The following GGNBP2 variants were observed in gnomAD, a reference collection of about 807,000 sequenced individuals.
GGNBP2 encodes the protein gametogenetin binding protein 2.
Under a neutral mutation model 85.9 loss-of-function variants are expected in GGNBP2, and 10 were observed. That is an observed-to-expected ratio of 0.12 (90% CI 0.07 to 0.20). GGNBP2 has a LOEUF of 0.20. Ranked by LOEUF, GGNBP2 falls within the 10% of genes least tolerant of loss-of-function variation. The probability of loss-of-function intolerance (pLI) is 1.00; values close to 1 mark genes in which losing one functional copy is unlikely to be tolerated. For missense variants in GGNBP2, 595 were observed against 857.8 expected (o/e 0.69, Z 3.83); for synonymous variants, 287 against 285.7 (o/e 1.00, Z -0.05).
At chr17:36,577,445 C>T (rs1452237202) in intron 6 of GGNBP2, 3 of 153,062 alleles carry the variant, frequency 2.0e-5, no homozygotes, top group African/African-American at 4.8e-5. Context: ...AAAATGCACA[C>T]ACCACTTTCC....
At chr17:36,574,786 T>C in intron 6 of GGNBP2, 1 of 649,900 alleles carries the variant, frequency 1.5e-6, no homozygotes, top group Non-Finnish European at 2.8e-6. Flanking sequence ...CGTGGTGGCC[T>C]GTCGGCTTGC....
At chr17:36,559,363 GAGGAGA>G (rs2074395305) in intron 4 of GGNBP2, among the ~76,000 whole-genome samples, 2 of 150,764 alleles carry the variant, frequency 1.3e-5, no homozygotes, top group Admixed American at 1.3e-4. Flanking sequence ...GGACGAGACT[GAGGAGA>G]AATGTAACAG....
At chr17:36,576,591 A>ATG (rs1247489604) in intron 6 of GGNBP2, 31 of 49,182 alleles carry the variant, frequency 6.3e-4, no homozygotes, top group South Asian at 2.3e-3. Context: ...AAAAATATAT[A>ATG]TATATGTGTG....
At chr17:36,586,783 T>A (rs376976541) in intron 12 of GGNBP2, 105 of 474,716 alleles carry the variant, frequency 2.2e-4, no homozygotes, top group African/African-American at 1.9e-3. Flanking sequence ...CATGGCTGGC[T>A]AATTTTTGCA....
rs913808849 is a variant in GGNBP2 at position 36,568,480 on chromosome 17, A to G, written c.641+704A>G. On this transcript the variant is annotated intron_variant, in intron 6 of 13. Transcript: ENST00000613102. Reference sequence around the variant, plus strand: ...CCCGGCTAATTTTTGTATTTTTAGTAGAGACGGGGCTTCGCCATGTTGTTC... The same window carrying G: ...CCCGGCTAATTTTTGTATTTTTAGTGGAGACGGGGCTTCGCCATGTTGTTC... Among the ~76,000 whole-genome samples, 4 of 152,014 alleles carry G rather than the reference A, an allele frequency of 2.6e-5. No homozygotes were observed. The East Asian group carries it at 7.8e-4, about 29-fold the overall frequency.
intron 5 of GGNBP2, among the ~76,000 whole-genome samples, chr17:36,562,566 T>C (rs1369297971): frequency 1.3e-5 from 2 of 151,896 alleles, no homozygotes; most frequent in South Asian, 2.1e-4. Flanking sequence ...ACACCATTAT[T>C]GTATAGACAT....
In GGNBP2 at chr17:36,567,268, A is replaced by C. The variant is rs73278828; in HGVS notation, c.528-395A>C. 6.5e-3 allele frequency among the ~76,000 whole-genome samples: 989 copies of C among 152,334 alleles called. 16 individuals are homozygous for C. The highest frequency in any genetic ancestry group is 0.023 in the African/African-American group (962 of 41,580). On this transcript the variant is annotated intron_variant, in intron 5 of 13. Transcript: ENST00000613102. ...TAGTCAAGCAGAAGTTTTTATATAA[A>C]GATATGAGCACACATTTAAATGAAC...
intron 6 of GGNBP2, chr17:36,576,553 C>CAAAAAAAAAA (rs57856781): frequency 7.9e-5 from 2 of 25,462 alleles, no homozygotes; most frequent in Non-Finnish European, 1.1e-4. Context: ...GACTCTGTCT[C>CAAAAAAAAAA]AAAAAAAAAA....
In GGNBP2 at chr17:36,575,138, C is replaced by T. The variant is rs941223957; in HGVS notation, c.642-2845C>T. 9.9e-6 allele frequency: 7 copies of T among 708,716 alleles called. No homozygotes were observed. The African/African-American group carries it at 1.0e-4, about 10-fold the overall frequency. The allele number at this position is 708,716 out of a possible 1,614,324, so 43.9% of individuals were successfully genotyped here. A position where few individuals can be genotyped will look rare whatever the true frequency, so the allele number is the denominator to read the frequency against. ...CTTGATCTTCATGTGCTTGACCAGG[C>T]GGCCCAGCTTGGTGATAGGCATCCA... On this transcript the variant is annotated intron_variant, in intron 6 of 13. Transcript: ENST00000613102.
intron 8 of GGNBP2, 30 bp downstream of exon 8, chr17:36,579,449 A>G: frequency 6.3e-7 from 1 of 1,591,844 alleles, no homozygotes; most frequent in Non-Finnish European, 8.6e-7. Context: ...CCAGTATCTC[A>G]GATTGCTTAG....
chr17:36,565,941 A>G (rs1431276322), intron 5 of GGNBP2, among the ~76,000 whole-genome samples: 1 of 152,210 alleles, frequency 6.6e-6, no homozygotes, highest in Non-Finnish European at 1.5e-5. Flanking sequence ...TAGCATGGAA[A>G]GTGGAACAGA....
At chr17:36,554,690 A>T (rs2074344779) in intron 2 of GGNBP2, 130 bp from the exon 3 acceptor site, 6 of 676,184 alleles carry the variant, frequency 8.9e-6, no homozygotes, top group Non-Finnish European at 1.4e-5. Context: ...ACTTGGATTT[A>T]ACAAAATTTT....
chr17:36,550,315 G>A (rs2074296773), intron 2 of GGNBP2, among the ~76,000 whole-genome samples: 1 of 151,962 alleles, frequency 6.6e-6, no homozygotes, highest in Non-Finnish European at 1.5e-5. Flanking sequence ...TAAGAGTTTG[G>A]GGTTTTGTTT....
chr17:36,580,804 AGCTACTTGAGAGGCTGAG>A (rs2142774423), intron 8 of GGNBP2, among the ~76,000 whole-genome samples: 2 of 152,164 alleles, frequency 1.3e-5, no homozygotes, highest in Non-Finnish European at 2.9e-5. Flanking sequence ...CTGTGGTCTC[AGCTACTTGAGAGGCTGAG>A]GCAGGAGAAT....
chr17:36,569,845 T>C (rs923568893), intron 6 of GGNBP2, among the ~76,000 whole-genome samples: 7 of 152,200 alleles, frequency 4.6e-5, no homozygotes, highest in Admixed American at 1.3e-4. Flanking sequence ...GCACATGTTT[T>C]GGAGTTTCTT....
Position 36,587,206 on chromosome 17 carries a change from C to T in GGNBP2, c.1851C>T (p.Pro617=), listed in dbSNP as rs1396319996. 6 of 1,614,064 alleles carry T rather than the reference C, an allele frequency of 3.7e-6. No homozygotes were observed. The highest frequency in any genetic ancestry group is 2.2e-5 in the East Asian group (1 of 44,874). ...AACCTACAGAAACGTTGTTTGGTCC[C>T]GATTCCGGAAAAGGTGCCAAGAGCT... ...FAEPTETLFG[P]DSGKGAKSLV... The change falls in exon 13 of 14, where the codon CCC becomes CCT. Residue 617 remains proline (P), a synonymous_variant. Coordinates refer to ENST00000613102, the MANE Select transcript of GGNBP2 (RefSeq NM_024835.5).
At chr17:36,575,647 TA>T (rs1458306463) in intron 6 of GGNBP2, among the ~76,000 whole-genome samples, 675 of 55,950 alleles carry the variant, frequency 0.012, 5 homozygotes, top group Non-Finnish European at 0.017. Flanking sequence ...TATATATATA[TA>T]TTTTTTTTTT....
chr17:36,574,339 A>C (rs115911238), intron 6 of GGNBP2: 1,678 of 158,528 alleles, frequency 0.011, 25 homozygotes, highest in African/African-American at 0.038. Context: ...TGATGTTCGC[A>C]CAGCAACAAA....
chr17:36,580,209 T>C (rs1051896194), intron 8 of GGNBP2, among the ~76,000 whole-genome samples: 2 of 132,836 alleles, frequency 1.5e-5, no homozygotes, highest in African/African-American at 5.0e-5. Context: ...TTTCTTTTCT[T>C]TTCTTTTTTT....
Sources: allele counts gnomAD v4.1 joint callset (sites outside exome capture counted in the v4.1 genomes callset), GRCh38; gene constraint gnomAD v4.1.1; transcripts MANE v1.5; gene names NCBI Gene and HGNC (gene_info 2026-07-23, HGNC 2026-07-21).